Variants in TENM1 observed in about 807,000 individuals in gnomAD.
TENM1 encodes the protein teneurin transmembrane protein 1, also known as teneurin-1.
Under a neutral mutation model 174.8 loss-of-function variants are expected in TENM1, and 35 were observed. That is an observed-to-expected ratio of 0.20 (90% CI 0.15 to 0.27). The LOEUF is 0.27. Among genes scored for constraint, TENM1 ranks in the 10% least tolerant of loss-of-function variants. The pLI, the probability that TENM1 is intolerant of heterozygous loss-of-function variation, is 1.00. For synonymous variants in TENM1, 781 were observed against 798.7 expected, an observed-to-expected ratio of 0.98 and a Z score of 0.37; for missense variants, 1,633 against 2,130.1, an observed-to-expected ratio of 0.77 and a Z score of 4.59.
the TENM1 span, among the ~76,000 whole-genome samples, chrX:125,109,317 C>T: frequency 8.9e-6 from 1 of 111,946 alleles, no homozygotes. Flanking sequence ...CTGTAGTGCC[C>T]ATTCTTAGCA....
At chrX:125,058,519 G>T in the TENM1 span, among the ~76,000 whole-genome samples, 1 of 111,844 alleles carries the variant, frequency 8.9e-6, no homozygotes, top group Non-Finnish European at 1.9e-5. Context: ...ATGAAAGAGT[G>T]TCCATGCAGC....
At chrX:124,998,241 G>C in the TENM1 span, among the ~76,000 whole-genome samples, 2 of 109,837 alleles carry the variant, frequency 1.8e-5, no homozygotes, top group Non-Finnish European at 1.9e-5. Context: ...TATAGTCCCT[G>C]ACTTCAAGGA....
chrX:124,569,021 T>C (rs1174481025), intron 11 of TENM1, among the ~76,000 whole-genome samples: 3 of 111,387 alleles, frequency 2.7e-5, no homozygotes, highest in Non-Finnish European at 5.7e-5. Context: ...CTGTGCAACA[T>C]AGTGAGACTC....
At chrX:124,964,842 T>C (rs941826625), upstream of TENM1, among the ~76,000 whole-genome samples, 3 of 112,360 alleles carry the variant, frequency 2.7e-5, no homozygotes, top group African/African-American at 9.7e-5. Context: ...AACTTTATGA[T>C]TTTATTTTGC....
the TENM1 span, among the ~76,000 whole-genome samples, chrX:125,029,182 G>A: frequency 9.0e-6 from 1 of 111,036 alleles, no homozygotes; most frequent in Admixed American, 9.6e-5. Flanking sequence ...TTCTTCTGGA[G>A]AGCTCTCTGG....
intron 22 of TENM1, among the ~76,000 whole-genome samples, chrX:124,460,214 A>G (rs2061153927): frequency 8.9e-6 from 1 of 111,865 alleles, no homozygotes; most frequent in Non-Finnish European, 1.9e-5. Context: ...TGGACCCAGC[A>G]GTCCCCTTAC....
intron 1 of TENM1, among the ~76,000 whole-genome samples, chrX:124,955,014 G>A (rs139833458): frequency 2.4e-4 from 27 of 111,895 alleles, no homozygotes; most frequent in African/African-American, 8.4e-4. Flanking sequence ...TTTACTTCCT[G>A]TCTTAGAGGA....
At chrX:125,068,383 A>C in the TENM1 span, among the ~76,000 whole-genome samples, 33 of 112,132 alleles carry the variant, frequency 2.9e-4, no homozygotes, top group African/African-American at 9.7e-4. Flanking sequence ...GATGTCTAAC[A>C]AATGAAGTGA....
At chrX:124,485,749 A>G (rs1051902410) in intron 21 of TENM1, among the ~76,000 whole-genome samples, 2 of 112,003 alleles carry the variant, frequency 1.8e-5, no homozygotes, top group Non-Finnish European at 3.8e-5. Context: ...ACCCAGACAC[A>G]TAGGGAGCTT....
intron 11 of TENM1, among the ~76,000 whole-genome samples, chrX:124,597,700 C>A (rs909757304): frequency 2.7e-5 from 3 of 110,851 alleles, no homozygotes; most frequent in Non-Finnish European, 5.7e-5. Flanking sequence ...GAAAAAGAAC[C>A]CTATCTCTCA....
At chrX:124,588,204 G>A (rs2148242941) in intron 11 of TENM1, among the ~76,000 whole-genome samples, 1 of 111,358 alleles carries the variant, frequency 9.0e-6, no homozygotes, top group Non-Finnish European at 1.9e-5. Context: ...TATACCCAAA[G>A]GACTATAAAT....
At chrX:124,562,019 G>A (rs1171406582) in intron 13 of TENM1, among the ~76,000 whole-genome samples, 5 of 112,150 alleles carry the variant, frequency 4.5e-5, no homozygotes, top group African/African-American at 1.6e-4. Context: ...TTTCCTTAGA[G>A]AGCCAATTAA....
chrX:124,821,189 A>G (rs769610853), intron 3 of TENM1, among the ~76,000 whole-genome samples: 4 of 112,475 alleles, frequency 3.6e-5, no homozygotes, highest in African/African-American at 1.3e-4. Context: ...TCCAAGACTG[A>G]ATTAGCATTG....
chrX:124,626,636 T>C lies in TENM1; in HGVS notation c.2077+15155A>G, dbSNP rs769693592. Among the ~76,000 whole-genome samples the C allele has an allele frequency of 8.9e-5, 10 of 112,156 alleles. No homozygotes were observed. The East Asian group carries it at 2.8e-3, about 32-fold the overall frequency. ...TAGATATATGGTCCTTTTAAAATCA[T>C]CTTTAAACTTTTATCTATTACCTGC... On this transcript the variant is annotated intron_variant, in intron 11 of 31. Coordinates refer to ENST00000422452, the Ensembl canonical transcript of TENM1.
chrX:124,452,937 C>A (rs1042788675), intron 23 of TENM1, among the ~76,000 whole-genome samples: 30 of 108,930 alleles, frequency 2.8e-4, no homozygotes, highest in Non-Finnish European at 5.3e-4. Flanking sequence ...GTGCAGCACA[C>A]CAACATGGCA....
the TENM1 span, among the ~76,000 whole-genome samples, chrX:125,013,543 T>C: frequency 9.0e-6 from 1 of 111,604 alleles, no homozygotes; most frequent in Non-Finnish European, 1.9e-5. Flanking sequence ...TATTGGGTGC[T>C]GAATTAAATA....
intron 1 of TENM1, among the ~76,000 whole-genome samples, chrX:124,928,322 A>C (rs1483963051): frequency 8.9e-6 from 1 of 112,124 alleles, no homozygotes; most frequent in African/African-American, 3.2e-5. Context: ...TTTCTTAAAA[A>C]ACCTCCATAT....
At chrX:124,553,269 G>A (rs886088323) in intron 14 of TENM1, among the ~76,000 whole-genome samples, 5 of 110,061 alleles carry the variant, frequency 4.5e-5, no homozygotes, top group African/African-American at 1.3e-4. Context: ...GACTGAGGGG[G>A]GGGGTGGATC....
At chrX:124,476,941 T>C (rs757872118) in intron 22 of TENM1, among the ~76,000 whole-genome samples, 42 of 112,638 alleles carry the variant, frequency 3.7e-4, no homozygotes, top group Non-Finnish European at 6.9e-4. Flanking sequence ...TTTTTCTTTG[T>C]CCCATTACAT....
Sources: allele counts gnomAD v4.1 joint callset (sites outside exome capture counted in the v4.1 genomes callset), GRCh38; gene constraint gnomAD v4.1.1; transcripts MANE v1.5; gene names NCBI Gene and HGNC (gene_info 2026-07-23, HGNC 2026-07-21).